Variants in NACC2 observed in about 807,000 individuals in gnomAD.
NACC2 encodes nucleus accumbens-associated protein 2.
A neutral mutation model predicts 25.1 loss-of-function variants in NACC2; 8 were observed. The observed-to-expected ratio is 0.32, with a 90% confidence interval of 0.19 to 0.57. The LOEUF is 0.57. NACC2 is among the 20% of genes least tolerant of loss of function. NACC2 has a pLI of 0.89. For synonymous variants in NACC2, 435 were observed against 294.7 expected (o/e 1.48, Z -4.88); for missense variants, 644 against 650.2 (o/e 0.99, Z 0.10).
intron 2 of NACC2, among the ~76,000 whole-genome samples, chr9:136,034,656 T>TA (rs537229760): frequency 0.032 from 4,414 of 137,916 alleles, 206 homozygotes; most frequent in African/African-American, 0.11. Context: ...GAAAATGCTT[T>TA]AAAAAAAAAA....
chr9:136,057,703 G>A (rs12340397), intron 1 of NACC2, among the ~76,000 whole-genome samples: 42,752 of 152,242 alleles, frequency 0.28, 6,879 homozygotes, highest in Non-Finnish European at 0.36. Context: ...TCGGCCGGGT[G>A]GAAGCTGAGA....
At chr9:136,051,876 A>AAGGAGGAGAAGG (rs1239934876) in intron 1 of NACC2, among the ~76,000 whole-genome samples, 6 of 132,380 alleles carry the variant, frequency 4.5e-5, no homozygotes, top group African/African-American at 2.0e-4. Flanking sequence ...GGGAGCCGGC[A>AAGGAGGAGAAGG]AGGAGGAGGA....
chr9:136,032,011 G>T (rs11103279), intron 2 of NACC2, among the ~76,000 whole-genome samples: 27,058 of 149,604 alleles, frequency 0.18, 3,476 homozygotes, highest in African/African-American at 0.38. Context: ...GGTCGTCCTC[G>T]GCAGCACCCC....
intron 2 of NACC2, 114 bp downstream of exon 2, chr9:136,049,522 G>A: frequency 1.6e-6 from 1 of 618,036 alleles, no homozygotes; most frequent in South Asian, 1.8e-5. Flanking sequence ...GCTTGGTGGG[G>A]GGCTCCCCTG....
At chr9:136,043,436 G>C (rs993051472) in intron 2 of NACC2, among the ~76,000 whole-genome samples, 1 of 152,236 alleles carries the variant, frequency 6.6e-6, no homozygotes, top group Admixed American at 6.5e-5. Context: ...AGGAAGGGCT[G>C]AAACGTCAAG....
intron 2 of NACC2, among the ~76,000 whole-genome samples, chr9:136,038,002 A>G (rs2131152309): frequency 6.6e-6 from 1 of 152,336 alleles, no homozygotes; most frequent in East Asian, 1.9e-4. Flanking sequence ...ATGGAATACT[A>G]CTTACTCAGC....
chr9:136,075,149 G>A (rs552499320), intron 1 of NACC2, among the ~76,000 whole-genome samples: 1 of 152,358 alleles, frequency 6.6e-6, no homozygotes, highest in Admixed American at 6.5e-5. Context: ...CAGGAAGTGG[G>A]GAGCCCCAGG....
intron 1 of NACC2, among the ~76,000 whole-genome samples, chr9:136,088,263 C>G (rs572585054): frequency 6.6e-6 from 1 of 152,150 alleles, no homozygotes; most frequent in African/African-American, 2.4e-5. Context: ...AACTGTACCA[C>G]TGCCCACATC....
intron 2 of NACC2, among the ~76,000 whole-genome samples, chr9:136,037,417 C>T (rs1431028633): frequency 6.6e-6 from 1 of 151,812 alleles, no homozygotes; most frequent in African/African-American, 2.4e-5. Flanking sequence ...GGCCATACCA[C>T]AGTTTGCATA....
chr9:136,040,340 G>A lies in NACC2; in HGVS notation c.886+9296C>T, dbSNP rs1416607412. ...AGCCTGGGCGACAGAGCAAGACTCCGTCTCAAAAAAAAAAAATCAACTTTA... is the reference window on the plus strand; with the variant it reads ...AGCCTGGGCGACAGAGCAAGACTCCATCTCAAAAAAAAAAAATCAACTTTA... On this transcript the variant is annotated intron_variant, in intron 2 of 5. Coordinates refer to ENST00000277554, the MANE Select transcript of NACC2 (RefSeq NM_144653.5). Among the ~76,000 whole-genome samples, 8 of 139,830 alleles carry A rather than the reference G, an allele frequency of 5.7e-5. No homozygotes were observed. The East Asian group carries it at 6.4e-4, about 11-fold the overall frequency. The allele number at this position is 139,830 out of a possible 152,430, so 91.7% of individuals were successfully genotyped here. A position where few individuals can be genotyped will look rare whatever the true frequency, so the allele number is the denominator to read the frequency against.
chr9:136,045,873 C>T (rs1332573646), intron 2 of NACC2, among the ~76,000 whole-genome samples: 13 of 152,250 alleles, frequency 8.5e-5, no homozygotes, highest in Admixed American at 6.5e-4. Flanking sequence ...GACCCCTGAG[C>T]GCAGCTGGGG....
chr9:136,020,843 C>T lies in NACC2; in HGVS notation c.887-4414G>A, dbSNP rs1012464356. 6.6e-6 allele frequency among the ~76,000 whole-genome samples: 1 copy of T among 152,138 alleles called. No individual in the cohort carries two copies. The highest frequency in any genetic ancestry group is 1.5e-5 in the Non-Finnish European group (1 of 68,028). Reference sequence around the variant, plus strand: ...ACAAAGGTGCACCAGCCTTTGTCAACGGAGGAGGCAGCAGCCTTCACAAAT... The same window carrying T: ...ACAAAGGTGCACCAGCCTTTGTCAATGGAGGAGGCAGCAGCCTTCACAAAT... On this transcript the variant is annotated intron_variant, in intron 2 of 5. Coordinates refer to ENST00000277554, the MANE Select transcript of NACC2 (RefSeq NM_144653.5). This position sits in a 1 kb window ranked among gnomAD's most constrained non-coding sequence, Gnocchi z 4.7.
At chr9:136,046,547 C>A (rs1222779326) in intron 2 of NACC2, among the ~76,000 whole-genome samples, 7 of 152,176 alleles carry the variant, frequency 4.6e-5, no homozygotes, top group African/African-American at 1.4e-4. Flanking sequence ...CTGAGCGTCC[C>A]GAGCCAGCGT....
At chr9:136,058,161 G>A (rs558435696) in intron 1 of NACC2, among the ~76,000 whole-genome samples, 16 of 152,342 alleles carry the variant, frequency 1.1e-4, no homozygotes, top group Admixed American at 3.9e-4. Context: ...GCTGGCAAGG[G>A]GGCTGCTGGC....
intron 1 of NACC2, among the ~76,000 whole-genome samples, chr9:136,051,963 C>T (rs1588572660): frequency 6.6e-6 from 1 of 150,688 alleles, no homozygotes; most frequent in Non-Finnish European, 1.5e-5. Flanking sequence ...GCGCTGGGCT[C>T]GCGGCCGCAG....
intron 1 of NACC2, among the ~76,000 whole-genome samples, chr9:136,070,311 G>T (rs1841134738): frequency 6.6e-6 from 1 of 151,414 alleles, no homozygotes; most frequent in Admixed American, 6.6e-5. Flanking sequence ...TTCAAGACCA[G>T]CCTGGCCAAG....
At chr9:136,069,002 G>A (rs1841120051) in intron 1 of NACC2, among the ~76,000 whole-genome samples, 1 of 150,840 alleles carries the variant, frequency 6.6e-6, no homozygotes, top group African/African-American at 2.5e-5. Context: ...TGTCTCCCAG[G>A]TTCAAGCAAT....
intron 1 of NACC2, among the ~76,000 whole-genome samples, chr9:136,085,526 A>C (rs1240111850): frequency 6.6e-6 from 1 of 151,976 alleles, no homozygotes; most frequent in Non-Finnish European, 1.5e-5. Flanking sequence ...GTTTTTAATT[A>C]AATTTAAAGA....
At chr9:136,016,226 G>T (rs375578792) in intron 3 of NACC2, 39 bp downstream of exon 3, 2 of 1,598,974 alleles carry the variant, frequency 1.3e-6, no homozygotes, top group Non-Finnish European at 1.7e-6. Flanking sequence ...AATAAATGAG[G>T]ACATTTGCAT....
Sources: gnomAD v4.1 joint callset for allele counts (sites outside exome capture counted in the v4.1 genomes callset) on GRCh38, gnomAD v4.1.1 for gene constraint, Gnocchi (gnomAD v3.1) non-coding constraint, MANE v1.5 for transcripts, NCBI Gene and HGNC (gene_info 2026-07-23, HGNC 2026-07-21) for gene names.